Variants in PDE9A observed in about 807,000 individuals in gnomAD.
The protein encoded by PDE9A is high affinity cGMP-specific 3',5'-cyclic phosphodiesterase 9A.
PDE9A carries 60 observed loss-of-function variants against 87.4 expected under a neutral mutation model. The ratio of observed to expected loss-of-function variants is 0.69; its 90% CI spans 0.56 to 0.85. PDE9A has a LOEUF of 0.85. PDE9A is among the 40% of genes least tolerant of loss of function. The pLI is 0.00. For synonymous variants in PDE9A, 272 were observed against 279.4 expected, an observed-to-expected ratio of 0.97 and a Z score of 0.27; for missense variants, 665 against 779.0, an observed-to-expected ratio of 0.85 and a Z score of 1.74.
chr21:42,769,469 T>C (rs28584920), intron 17 of PDE9A, among the ~76,000 whole-genome samples: 18 of 68,334 alleles, frequency 2.6e-4, no homozygotes, highest in African/African-American at 1.1e-3. Flanking sequence ...CACACAAATG[T>C]GCATGCAGGT....
At chr21:42,662,473 CCACA>C (rs145311820) in intron 1 of PDE9A, among the ~76,000 whole-genome samples, 191 of 151,366 alleles carry the variant, frequency 1.3e-3, no homozygotes, top group African/African-American at 4.2e-3. Flanking sequence ...CACACACCCA[CCACA>C]CACACACACC....
intron 4 of PDE9A, among the ~76,000 whole-genome samples, chr21:42,712,574 C>T (rs2049447407): frequency 6.6e-6 from 1 of 152,216 alleles, no homozygotes; most frequent in African/African-American, 2.4e-5. Flanking sequence ...TGAGAGCAGA[C>T]GTCCTCGCCT....
rs1204314584 is a variant in PDE9A, at chr21:42,760,261, G to A, written c.898-67G>A. On this transcript the variant is annotated intron_variant, in intron 11 of 19. Transcript: ENST00000291539. This position sits in a 1 kb window ranked among gnomAD's most constrained non-coding sequence, Gnocchi z 5.2. ...GTTCAAACCAGCGCACAGCCTTCTG[G>A]GTGGCTTTGGGAGGAGAGGTGGGCG... 1 of 883,298 alleles carries A rather than the reference G, an allele frequency of 1.1e-6. No homozygotes were observed. The highest frequency in any genetic ancestry group is 1.8e-5 in the Admixed American group (1 of 56,590). 54.7% of individuals were successfully genotyped at this position (883,298 alleles called of 1,614,324 possible). A position where few individuals can be genotyped will look rare whatever the true frequency, so the allele number is the denominator to read the frequency against.
chr21:42,663,858 G>A (rs2057774340), intron 1 of PDE9A, among the ~76,000 whole-genome samples: 1 of 152,184 alleles, frequency 6.6e-6, no homozygotes, highest in South Asian at 2.1e-4. Context: ...TAAAGCCCAG[G>A]CCTCTCAGCA....
intron 3 of PDE9A, chr21:42,689,381 A>G (rs575156163): frequency 1.9e-4 from 40 of 211,164 alleles, no homozygotes; most frequent in Admixed American, 1.3e-3. Context: ...CGGAAGGTGC[A>G]GTGCTAATTG....
chr21:42,757,947 A>G (rs1458574225), intron 10 of PDE9A: 3 of 152,378 alleles, frequency 2.0e-5, no homozygotes, highest in Non-Finnish European at 2.9e-5. Context: ...TTCAGTTCGT[A>G]ACATGCCCTT....
At position 42,739,917 on chromosome 21, in the gene PDE9A, G is replaced by C. The variant is rs994603088; in HGVS notation, c.569-3859G>C. Among the ~76,000 whole-genome samples, 1 of 152,004 alleles carries C rather than the reference G, an allele frequency of 6.6e-6. No individual in the cohort carries two copies. Among genetic ancestry groups the C allele is most frequent in the African/African-American group, 2.4e-5 (1 of 41,358 alleles). On this transcript the variant is annotated intron_variant, in intron 7 of 19. Transcript: ENST00000291539. The surrounding 1 kb of genome is among the most constrained non-coding windows in gnomAD (Gnocchi z 4.1). ...CAGTATGATAAATAGCATTTTCCTC[G>C]GGGGATAAAAAGAAAAACGTGAGCT...
rs1222236624 is a variant in PDE9A, at chr21:42,702,329, T to G, written c.262+3318T>G. 1.3e-5 allele frequency among the ~76,000 whole-genome samples: 2 copies of G among 152,066 alleles called. No individual in the cohort carries two copies. The highest frequency in any genetic ancestry group is 2.4e-5 in the African/African-American group (1 of 41,406). ...AATTATGTTTCCCTCCTTTTTCGTATCTCCCATTTTTACATCTCCCATTTA... is the reference window on the plus strand; with the variant it reads ...AATTATGTTTCCCTCCTTTTTCGTAGCTCCCATTTTTACATCTCCCATTTA... On this transcript the variant is annotated intron_variant, in intron 4 of 19. Transcript: ENST00000291539. The surrounding 1 kb of genome is among the most constrained non-coding windows in gnomAD (Gnocchi z 4.9).
intron 18 of PDE9A, among the ~76,000 whole-genome samples, chr21:42,771,534 C>T (rs1039150419): frequency 6.6e-6 from 1 of 152,234 alleles, no homozygotes; most frequent in Non-Finnish European, 1.5e-5. Context: ...GCCGGTGTTG[C>T]CTCTGCCACC....
intron 1 of PDE9A, among the ~76,000 whole-genome samples, chr21:42,668,891 T>TCCCCCCCCC (rs1569112468): frequency 9.2e-6 from 1 of 108,766 alleles, no homozygotes; most frequent in African/African-American, 4.9e-5. Context: ...TCAGAGCTGC[T>TCCCCCCCCC]CCCTCCACCC....
chr21:42,685,757 C>A (rs1241331020), intron 1 of PDE9A, among the ~76,000 whole-genome samples: 1 of 152,158 alleles, frequency 6.6e-6, no homozygotes, highest in Admixed American at 6.5e-5. Flanking sequence ...CGTGAGCCAC[C>A]GCGCCCGGCC....
chr21:42,711,343 C>T (rs1357120542), intron 4 of PDE9A, among the ~76,000 whole-genome samples: 3 of 151,842 alleles, frequency 2.0e-5, no homozygotes, highest in East Asian at 1.9e-4. Flanking sequence ...CTCCGCCTCC[C>T]GGGTTCAAGT....
At chr21:42,727,406 C>G (rs2146667072) in intron 4 of PDE9A, among the ~76,000 whole-genome samples, 1 of 151,868 alleles carries the variant, frequency 6.6e-6, no homozygotes, top group South Asian at 2.1e-4. Context: ...TCACTACAGC[C>G]TCAACCTCCC....
At chr21:42,684,395 C>A (rs1166439814) in intron 1 of PDE9A, among the ~76,000 whole-genome samples, 3 of 152,206 alleles carry the variant, frequency 2.0e-5, no homozygotes, top group Non-Finnish European at 4.4e-5. Context: ...ATGGCCACGA[C>A]CCCAGCCCAG....
chr21:42,686,334 G>C (rs1602050126), intron 2 of PDE9A, 72 bp downstream of exon 2: 3 of 1,214,918 alleles, frequency 2.5e-6, no homozygotes, highest in East Asian at 2.3e-5. Context: ...GGCTGGGAGG[G>C]GCGGGAAGAG....
chr21:42,669,398 C>G (rs771334962), intron 1 of PDE9A, among the ~76,000 whole-genome samples: 3 of 152,222 alleles, frequency 2.0e-5, no homozygotes, highest in African/African-American at 7.2e-5. Flanking sequence ...CTCCTTCCCA[C>G]TGAGTTTCAC....
chr21:42,759,542 G>A lies in PDE9A; in HGVS notation c.897+457G>A, dbSNP rs1934835600. ...AATGTGTGGGAGCGTGTGTGTGTGT[G>A]AGTGTGGGGTGTGGGTGTGAGCATG... On this transcript the variant is annotated intron_variant, in intron 11 of 19. Transcript: ENST00000291539. This position sits in a 1 kb window ranked among gnomAD's most constrained non-coding sequence, Gnocchi z 7.2. 6.6e-6 allele frequency among the ~76,000 whole-genome samples: 1 copy of A among 151,554 alleles called. No individual in the cohort carries two copies. Among genetic ancestry groups the A allele is most frequent in the African/African-American group, 2.4e-5 (1 of 41,248 alleles).
intron 4 of PDE9A, among the ~76,000 whole-genome samples, chr21:42,720,374 A>G (rs1359601989): frequency 6.6e-6 from 1 of 152,102 alleles, no homozygotes; most frequent in Admixed American, 6.5e-5. Flanking sequence ...CATGCCTGTA[A>G]TCCCAGCTAC....
chr21:42,732,229 GC>G, intron 6 of PDE9A, 105 bp downstream of exon 6: 1 of 1,117,018 alleles, frequency 9.0e-7, no homozygotes, highest in Non-Finnish European at 1.3e-6. Context: ...GGCAAGCGTG[GC>G]TGTCTCACCT....
Sources: gnomAD v4.1 joint callset for allele counts (sites outside exome capture counted in the v4.1 genomes callset) on GRCh38, gnomAD v4.1.1 for gene constraint, Gnocchi (gnomAD v3.1) non-coding constraint, MANE v1.5 for transcripts, NCBI Gene and HGNC (gene_info 2026-07-23, HGNC 2026-07-21) for gene names.